Variants in MCPH1 observed in about 807,000 individuals in gnomAD.
MCPH1 encodes the protein microcephalin.
MCPH1 carries 104 observed loss-of-function variants against 84.5 expected under a neutral mutation model. The ratio of observed to expected loss-of-function variants is 1.23; its 90% CI spans 1.05 to 1.45. The LOEUF is 1.45. Among genes scored for constraint, MCPH1 ranks in the 40% most tolerant of loss-of-function variants. The pLI is 0.00. For missense variants in MCPH1, 1,498 were observed against 1,005.7 expected (o/e 1.49, Z -6.62); for synonymous variants, 514 against 366.8 (o/e 1.40, Z -4.58).
chr8:6,557,940 C>A (rs1727656416), intron 12 of MCPH1, among the ~76,000 whole-genome samples: 1 of 152,124 alleles, frequency 6.6e-6, no homozygotes, highest in South Asian at 2.1e-4. Flanking sequence ...TCCTTTCTTC[C>A]CTGTCAAAAC....
chr8:6,416,894 T>A (rs1001261136), intron 3 of MCPH1, among the ~76,000 whole-genome samples: 1 of 151,844 alleles, frequency 6.6e-6, no homozygotes, highest in Non-Finnish European at 1.5e-5. Context: ...CTCGGGAGAT[T>A]GAGACAGGAG....
At chr8:6,494,880 G>A (rs1026882568) in intron 11 of MCPH1, among the ~76,000 whole-genome samples, 1 of 152,130 alleles carries the variant, frequency 6.6e-6, no homozygotes, top group Non-Finnish European at 1.5e-5. Context: ...ACTTTAAAAT[G>A]GTTAATTGTA....
chr8:6,510,964 A>G (rs1814956417), intron 12 of MCPH1, among the ~76,000 whole-genome samples: 1 of 152,112 alleles, frequency 6.6e-6, no homozygotes, highest in South Asian at 2.1e-4. Context: ...ATAAATACTC[A>G]TCTCTGTTGG....
chr8:6,633,148 C>T (rs1797290612), intron 13 of MCPH1, among the ~76,000 whole-genome samples: 1 of 151,996 alleles, frequency 6.6e-6, no homozygotes, highest in African/African-American at 2.4e-5. Flanking sequence ...AAATCATGTA[C>T]AAGACACACA....
At chr8:6,599,368 A>T (rs1829192127) in intron 12 of MCPH1, among the ~76,000 whole-genome samples, 1 of 152,232 alleles carries the variant, frequency 6.6e-6, no homozygotes, top group Non-Finnish European at 1.5e-5. Flanking sequence ...GCCAGGCCCC[A>T]ACTGTTTAAA....
At chr8:6,496,335 A>T (rs184847245) in intron 11 of MCPH1, among the ~76,000 whole-genome samples, 18 of 152,234 alleles carry the variant, frequency 1.2e-4, no homozygotes, top group African/African-American at 4.3e-4. Flanking sequence ...TCAGGTGGTA[A>T]TTAAAGCAAT....
rs367987710 is a variant in MCPH1, at chr8:6,426,649, G to C, written c.234-4850G>C. ...AAAGTTACAATGGACATTTACATTT[G>C]TGTCTTTGTATGCTTTCATTTCTCT... On this transcript the variant is annotated intron_variant, in intron 3 of 13. Transcript: ENST00000344683. Among the ~76,000 whole-genome samples the C allele has an allele frequency of 7.9e-5, 12 of 152,292 alleles. No homozygotes were observed. The East Asian group carries it at 1.7e-3, about 22-fold the overall frequency.
chr8:6,576,314 A>G (rs973227570), intron 12 of MCPH1, among the ~76,000 whole-genome samples: 12 of 152,190 alleles, frequency 7.9e-5, no homozygotes, highest in Non-Finnish European at 1.5e-4. Context: ...GTTTCTCTGC[A>G]GGAAGATGGG....
intron 12 of MCPH1, among the ~76,000 whole-genome samples, chr8:6,580,937 C>T (rs560363373): frequency 5.9e-5 from 9 of 152,226 alleles, no homozygotes; most frequent in East Asian, 5.8e-4. Context: ...TTCAACCAAT[C>T]GTGGACCAAA....
chr8:6,542,476 G>T (rs1013410580), intron 12 of MCPH1, among the ~76,000 whole-genome samples: 11 of 152,064 alleles, frequency 7.2e-5, no homozygotes, highest in African/African-American at 2.4e-4. Flanking sequence ...GAGTGTCACT[G>T]TAAGAGGGAC....
At chr8:6,434,040 A>G (rs1802276813) in intron 4 of MCPH1, among the ~76,000 whole-genome samples, 1 of 152,024 alleles carries the variant, frequency 6.6e-6, no homozygotes, top group African/African-American at 2.4e-5. Context: ...CTTTGTGCAG[A>G]TGTTACTTTC....
intron 8 of MCPH1, chr8:6,446,189 T>C: frequency 1.1e-6 from 1 of 889,690 alleles, no homozygotes; most frequent in East Asian, 1.2e-4. Flanking sequence ...GTAATTATAA[T>C]AAACCATATC....
intron 12 of MCPH1, among the ~76,000 whole-genome samples, chr8:6,548,347 C>T (rs1586556336): frequency 6.6e-6 from 1 of 152,192 alleles, no homozygotes; most frequent in East Asian, 1.9e-4. Context: ...ACTTAGATGC[C>T]TTTCATGGGC....
In MCPH1 at chr8:6,477,642, G is replaced by C; in HGVS notation, c.1973+11G>C. ...AAGCATGCCATCTGAGTAAGTACTT[G>C]TTTTGATTTCTGTTCAATGTAAAAT... On this transcript the variant is annotated intron_variant, in intron 10 of 13. Transcript: ENST00000344683. 1 of 1,610,472 alleles carries C rather than the reference G, an allele frequency of 6.2e-7. No homozygotes were observed. Among genetic ancestry groups the C allele is most frequent in the Non-Finnish European group, 8.5e-7 (1 of 1,177,068 alleles).
intron 6 of MCPH1, among the ~76,000 whole-genome samples, chr8:6,439,995 A>G (rs1188041122): frequency 6.6e-6 from 1 of 152,168 alleles, no homozygotes; most frequent in Non-Finnish European, 1.5e-5. Flanking sequence ...TTCTGTGTGG[A>G]GGTGTAATTT....
At chr8:6,613,482 G>A (rs1252097037) in intron 12 of MCPH1, among the ~76,000 whole-genome samples, 1 of 152,128 alleles carries the variant, frequency 6.6e-6, no homozygotes, top group African/African-American at 2.4e-5. Flanking sequence ...TTTAGGGGCT[G>A]GGACATGGAG....
At chr8:6,419,838 T>C (rs1799909026) in intron 3 of MCPH1, among the ~76,000 whole-genome samples, 1 of 152,178 alleles carries the variant, frequency 6.6e-6, no homozygotes, top group African/African-American at 2.4e-5. Context: ...TGTTATATTC[T>C]TCAGTTTTGT....
chr8:6,543,246 C>G (rs1332546892), intron 12 of MCPH1, among the ~76,000 whole-genome samples: 1 of 152,198 alleles, frequency 6.6e-6, no homozygotes, highest in Non-Finnish European at 1.5e-5. Context: ...CACGAAGACT[C>G]AGCGGGAACA....
intron 11 of MCPH1, among the ~76,000 whole-genome samples, chr8:6,482,953 T>C (rs983013310): frequency 2.0e-5 from 3 of 152,168 alleles, no homozygotes; most frequent in African/African-American, 7.2e-5. Flanking sequence ...ATAAAAGGCA[T>C]GTAGGTTAGA....
Sources: gnomAD v4.1 joint callset for allele counts (sites outside exome capture counted in the v4.1 genomes callset) on GRCh38, gnomAD v4.1.1 for gene constraint, MANE v1.5 for transcripts, NCBI Gene and HGNC (gene_info 2026-07-23, HGNC 2026-07-21) for gene names.